SPAG16: variants seen among roughly 807,000 people sequenced by gnomAD.
SPAG16 encodes sperm-associated antigen 16 protein.
Under a neutral mutation model 80.4 loss-of-function variants are expected in SPAG16, and 86 were observed. The observed-to-expected ratio is 1.07, with a 90% CI of 0.90 to 1.28. The LOEUF is 1.28. Among genes scored for constraint, SPAG16 ranks in the 50% most tolerant of loss-of-function variants. SPAG16 has a pLI of 0.00. For missense variants in SPAG16, 870 were observed against 765.3 expected (o/e 1.14, Z -1.61); for synonymous variants, 294 against 265.9 (o/e 1.11, Z -1.03).
intron 15 of SPAG16, among the ~76,000 whole-genome samples, chr2:214,198,184 G>T (rs1181365702): frequency 6.6e-6 from 1 of 151,824 alleles, no homozygotes; most frequent in Non-Finnish European, 1.5e-5. Context: ...AGATTTTGGT[G>T]CACCGTCACC....
At chr2:213,872,735 G>A (rs923677290) in intron 11 of SPAG16, among the ~76,000 whole-genome samples, 2 of 152,070 alleles carry the variant, frequency 1.3e-5, no homozygotes, top group African/African-American at 4.8e-5. Context: ...TTTTGTAGAT[G>A]CTTTTATTAG....
intron 10 of SPAG16, among the ~76,000 whole-genome samples, chr2:213,714,237 G>A (rs1288145787): frequency 1.3e-5 from 2 of 152,200 alleles, no homozygotes; most frequent in African/African-American, 2.4e-5. Context: ...CTCAGGATGT[G>A]CAGTGGAATA....
At position 213,295,995 on chromosome 2, in the gene SPAG16, G is replaced by C. The variant is rs753292714; in HGVS notation, c.137-69G>C. ...GTTGAATCCAATACTATATTTGAAG[G>C]TCAAATCAATTTTTGTGCAATAATT... On this transcript the variant is annotated intron_variant, in intron 1 of 15. Transcript: ENST00000331683. The C allele has an allele frequency of 2.8e-5, 37 of 1,337,560 alleles. No individual in the cohort carries two copies. The Admixed American group carries it at 5.2e-4, about 19-fold the overall frequency. 82.9% of individuals were successfully genotyped at this position (1,337,560 alleles called of 1,614,324 possible).
intron 13 of SPAG16, among the ~76,000 whole-genome samples, chr2:214,057,138 A>G (rs1272436747): frequency 6.7e-6 from 1 of 150,080 alleles, no homozygotes; most frequent in African/African-American, 2.5e-5. Flanking sequence ...ATCCCCTCCC[A>G]TGAATCTTGA....
intron 9 of SPAG16, among the ~76,000 whole-genome samples, chr2:213,459,087 C>G (rs1048027720): frequency 5.9e-5 from 9 of 151,682 alleles, no homozygotes; most frequent in South Asian, 4.2e-4. Flanking sequence ...TACTTTGTAC[C>G]TTATATTCTT....
intron 10 of SPAG16, among the ~76,000 whole-genome samples, chr2:213,632,760 G>A (rs192296566): frequency 6.6e-6 from 1 of 152,200 alleles, no homozygotes; most frequent in East Asian, 1.9e-4. Flanking sequence ...CTTTTGATAT[G>A]ATGTATTACA....
At position 214,381,053 on chromosome 2, in the gene SPAG16, C is replaced by T. The variant is rs139936009; in HGVS notation, c.1721-29087C>T. Among the ~76,000 whole-genome samples, 220 of 152,306 alleles carry T rather than the reference C, an allele frequency of 1.4e-3. 1 individual carries two copies. The highest frequency in any genetic ancestry group is 5.1e-3 in the African/African-American group (211 of 41,576). ...CCTTTTTCCTCTTTGCAAGGGAAAG[C>T]AGAATGCTACCTTTTTTTCCCCAGG... On this transcript the variant is annotated intron_variant, in intron 15 of 15. Transcript: ENST00000331683.
chr2:213,503,884 G>A (rs372468119), intron 10 of SPAG16, among the ~76,000 whole-genome samples: 1 of 152,180 alleles, frequency 6.6e-6, no homozygotes, highest in Non-Finnish European at 1.5e-5. Flanking sequence ...GGAAAAGCAG[G>A]TTTTAATTGG....
chr2:213,480,680 T>A (rs1216517833), intron 9 of SPAG16, among the ~76,000 whole-genome samples: 1 of 152,214 alleles, frequency 6.6e-6, no homozygotes, highest in Admixed American at 6.5e-5. Flanking sequence ...TGGCACACAC[T>A]TTTCCGAACC....
intron 9 of SPAG16, among the ~76,000 whole-genome samples, chr2:213,413,807 A>G (rs1240347605): frequency 3.3e-5 from 5 of 152,196 alleles, no homozygotes; most frequent in Non-Finnish European, 5.9e-5. Context: ...ATGTCTGGCC[A>G]TGACAGCACA....
intron 15 of SPAG16, among the ~76,000 whole-genome samples, chr2:214,364,010 C>T (rs560765731): frequency 7.0e-4 from 107 of 152,182 alleles, no homozygotes; most frequent in African/African-American, 1.8e-3. Context: ...ACAACCCAGA[C>T]GTATTCTTTC....
intron 12 of SPAG16, among the ~76,000 whole-genome samples, chr2:213,958,922 C>T (rs1426142335): frequency 6.6e-6 from 1 of 152,158 alleles, no homozygotes; most frequent in East Asian, 1.9e-4. Flanking sequence ...CTTTCTCGTA[C>T]ATTTCTTTCA....
At chr2:214,056,510 T>G (rs1233216282) in intron 13 of SPAG16, among the ~76,000 whole-genome samples, 1 of 132,534 alleles carries the variant, frequency 7.5e-6, no homozygotes, top group Non-Finnish European at 1.6e-5. Flanking sequence ...CATTCCTTAA[T>G]TTAAAAATAC....
intron 10 of SPAG16, among the ~76,000 whole-genome samples, chr2:213,741,619 A>T (rs1420907777): frequency 6.6e-6 from 1 of 152,186 alleles, no homozygotes; most frequent in Non-Finnish European, 1.5e-5. Flanking sequence ...TTTAAAAAAT[A>T]ATTCATAGCA....
intron 9 of SPAG16, among the ~76,000 whole-genome samples, chr2:213,444,890 A>G (rs1006738931): frequency 1.6e-4 from 24 of 152,326 alleles, no homozygotes; most frequent in Non-Finnish European, 2.8e-4. Context: ...ATAAAAATAG[A>G]CATATAGACT....
chr2:213,526,613 C>T (rs1457960487), intron 10 of SPAG16, among the ~76,000 whole-genome samples: 1 of 152,092 alleles, frequency 6.6e-6, no homozygotes, highest in Admixed American at 6.5e-5. Context: ...TTGTTGAATC[C>T]CACTTTCTGG....
chr2:213,489,816 T>C (rs1202697687), intron 9 of SPAG16, 147 bp from the exon 10 acceptor site: 1 of 563,960 alleles, frequency 1.8e-6, no homozygotes, highest in Non-Finnish European at 2.8e-6. Context: ...AAATATTTTC[T>C]CAAAACTAAA....
At chr2:213,949,392 G>A (rs895991217) in intron 12 of SPAG16, among the ~76,000 whole-genome samples, 4 of 151,942 alleles carry the variant, frequency 2.6e-5, no homozygotes, top group South Asian at 2.1e-4. Context: ...TGGTCTTGAT[G>A]TCTTGACCTC....
rs28666700 is a variant in SPAG16, at chr2:213,419,789, C to A, written c.942+44670C>A. ...GAACCAAAAGTATGATTTAAAAGGA[C>A]ATGTTAAAAATAAATAATGAAGAGA... On this transcript the variant is annotated intron_variant, in intron 9 of 15. Transcript: ENST00000331683. Among the ~76,000 whole-genome samples, 525 of 152,174 alleles carry A rather than the reference C, an allele frequency of 3.4e-3. 4 individuals are homozygous for A. The highest frequency in any genetic ancestry group is 0.012 in the African/African-American group (504 of 41,524).
Sources: gnomAD v4.1 joint callset for allele counts (sites outside exome capture counted in the v4.1 genomes callset) on GRCh38, gnomAD v4.1.1 for gene constraint, MANE v1.5 for transcripts, NCBI Gene and HGNC (gene_info 2026-07-23, HGNC 2026-07-21) for gene names.